Variants in ESAM observed in about 807,000 individuals in gnomAD.
The protein encoded by ESAM is endothelial cell-selective adhesion molecule.
In ESAM, 23 loss-of-function variants were observed where a neutral mutation model predicts 31.8. The observed-to-expected ratio is 0.72, with a 90% confidence interval of 0.52 to 1.03. The LOEUF is 1.03. Among genes scored for constraint, ESAM ranks in the 50% least tolerant of loss-of-function variants. The probability of loss-of-function intolerance (pLI) is 0.00; values close to 1 mark genes in which losing one functional copy is unlikely to be tolerated. For synonymous variants in ESAM, 216 were observed against 207.2 expected (o/e 1.04, Z -0.37); for missense variants, 478 against 488.9 (o/e 0.98, Z 0.21).
At chr11:124,756,459 C>A in intron 3 of ESAM, 82 bp downstream of exon 3, 1 of 1,586,812 alleles carries the variant, frequency 6.3e-7, no homozygotes, top group Admixed American at 1.7e-5. Context: ...GTTCCTCCTC[C>A]AACTTTTGTC....
Position 124,754,209 on chromosome 11 carries a change from C to T in ESAM, c.857+5G>A. The T allele has an allele frequency of 2.5e-6, 4 of 1,613,508 alleles. No individual in the cohort carries two copies. Among genetic ancestry groups the T allele is most frequent in the Non-Finnish European group, 3.4e-6 (4 of 1,179,712 alleles). On this transcript the variant is annotated splice_donor_5th_base_variant and intron_variant, in intron 6 of 6. Coordinates refer to ENST00000278927, the MANE Select transcript of ESAM (RefSeq NM_138961.3). This position sits in a 1 kb window ranked among gnomAD's most constrained non-coding sequence, Gnocchi z 4.5. ...CCCGCTGCAGCAGACACCAGGGACACTTACTTGATATCATTGGCTGGCTCC... is the reference window on the plus strand; with the variant it reads ...CCCGCTGCAGCAGACACCAGGGACATTTACTTGATATCATTGGCTGGCTCC...
intron 3 of ESAM, 65 bp downstream of exon 3, chr11:124,756,476 G>A (rs1944156178): frequency 3.8e-6 from 6 of 1,597,252 alleles, no homozygotes; most frequent in Admixed American, 1.7e-5. Context: ...TGTCATTTAG[G>A]AGAGAGACTC....
In ESAM at chr11:124,753,271, C is replaced by T; in HGVS notation, c.*375G>A. 1 of 235,072 alleles carries T rather than the reference C, an allele frequency of 4.3e-6. No individual in the cohort carries two copies. Among genetic ancestry groups the T allele is most frequent in the Non-Finnish European group, 8.3e-6 (1 of 120,328 alleles). 14.6% of individuals were successfully genotyped at this position (235,072 alleles called of 1,614,324 possible). The stretch of plus-strand genomic sequence containing the variant: ...GCCAGCCTGACAGGTTATATCAATA[C>T]AGGGAGCTGGAGTGGGAGCCAAGGG... On this transcript the variant is annotated 3_prime_UTR_variant, in exon 7 of 7. Transcript: ENST00000278927.
At chr11:124,760,854 A>T (rs1303657317) in intron 1 of ESAM, among the ~76,000 whole-genome samples, 1 of 152,196 alleles carries the variant, frequency 6.6e-6, no homozygotes, top group African/African-American at 2.4e-5. Flanking sequence ...TGGAATGCAG[A>T]AGGAACAGAG....
chr11:124,758,432 A>G lies in ESAM; in HGVS notation c.166T>C (p.Leu56=). Residue 56 remains leucine, a synonymous_variant, in exon 2 of 7, where the codon TTG becomes CTG. Coordinates refer to ENST00000278927, the MANE Select transcript of ESAM (RefSeq NM_138961.3). Reference sequence around the variant, plus strand: ...TGGGATGAAGACACCTCCCCGTGCAAGGTGTACCACGCTGGAAGCACCACT... The same window carrying G: ...TGGGATGAAGACACCTCCCCGTGCAGGGTGTACCACGCTGGAAGCACCACT... ...GEVVLPAWYT[L]HGEVSSSQPW... The G allele has an allele frequency of 6.2e-7, 1 of 1,614,068 alleles. No homozygotes were observed. Among genetic ancestry groups the G allele is most frequent in the Non-Finnish European group, 8.5e-7 (1 of 1,180,008 alleles).
rs12791497 is a variant in ESAM, at chr11:124,753,986, G to A, written c.858-25C>T. On this transcript the variant is annotated intron_variant, in intron 6 of 6. Coordinates refer to ENST00000278927, the MANE Select transcript of ESAM (RefSeq NM_138961.3). ...CCTAGTCATCAAAGAAATAACAAGAGGTCAGAAGTGGGTGGGGGAAGGAGG... is the reference window on the plus strand; with the variant it reads ...CCTAGTCATCAAAGAAATAACAAGAAGTCAGAAGTGGGTGGGGGAAGGAGG... 1.9e-5 allele frequency: 31 copies of A among 1,609,684 alleles called. No homozygotes were observed. The East Asian group carries it at 6.7e-4, about 35-fold the overall frequency.
intron 1 of ESAM, among the ~76,000 whole-genome samples, chr11:124,761,593 G>C (rs942489672): frequency 2.0e-5 from 3 of 152,214 alleles, no homozygotes; most frequent in African/African-American, 7.2e-5. Flanking sequence ...GAGGGGGCAA[G>C]AGAGAGCATC....
chr11:124,759,630 C>CT lies in ESAM; in HGVS notation c.71-1104dup, dbSNP rs1212856156. Among the ~76,000 whole-genome samples, 2 of 152,244 alleles carry CT rather than the reference C, an allele frequency of 1.3e-5. No individual in the cohort carries two copies. The highest frequency in any genetic ancestry group is 2.9e-5 in the Non-Finnish European group (2 of 68,042). ...GCCCTAGGAGAGCCAGGCTGAAGGC[C>CT]TCTAAGGGCTGGGAGCCGATCCGGC... On this transcript the variant is annotated intron_variant, in intron 1 of 6. Coordinates refer to ENST00000278927, the MANE Select transcript of ESAM (RefSeq NM_138961.3). The surrounding 1 kb of genome is among the most constrained non-coding windows in gnomAD (Gnocchi z 6.8).
rs954200691 is a variant in ESAM, at chr11:124,753,578, C to T, written c.*68G>A. 6.4e-7 allele frequency: 1 copy of T among 1,565,556 alleles called. No individual in the cohort carries two copies. The highest frequency in any genetic ancestry group is 2.2e-5 in the East Asian group (1 of 44,604). Reference sequence around the variant, plus strand: ...TGACTCTTTCCCATGACTCAGGCCTCTGTGCTAGAGGTGACCCTTATAGGA... The same window carrying T: ...TGACTCTTTCCCATGACTCAGGCCTTTGTGCTAGAGGTGACCCTTATAGGA... On this transcript the variant is annotated 3_prime_UTR_variant, in exon 7 of 7. Coordinates refer to ENST00000278927, the MANE Select transcript of ESAM (RefSeq NM_138961.3).
At position 124,753,919 on chromosome 11, in the gene ESAM, G is replaced by C; in HGVS notation, c.900C>G (p.Ser300Arg). Reference protein sequence around the residue: ...IAPRTLPWPKSSDTISKNGTL... With the variant: ...IAPRTLPWPKRSDTISKNGTL... ...TCCCATTCTTGGAGATTGTGTCTGA[G>C]CTCTTGGGCCAGGGCAGGGTCCGGG... Residue 300 changes from serine (S) to arginine (R), a missense_variant, in exon 7 of 7, where the codon AGC (serine) becomes AGG (arginine). Coordinates refer to ENST00000278927, the MANE Select transcript of ESAM (RefSeq NM_138961.3). 1 of 1,614,032 alleles carries C rather than the reference G, an allele frequency of 6.2e-7. No individual in the cohort carries two copies. Among genetic ancestry groups the C allele is most frequent in the South Asian group, 1.1e-5 (1 of 91,060 alleles).
In ESAM at chr11:124,762,254, G is replaced by C. The variant is rs550918416; in HGVS notation, c.-100C>G. 6 of 961,884 alleles carry C rather than the reference G, an allele frequency of 6.2e-6. No homozygotes were observed. Among genetic ancestry groups the C allele is most frequent in the Non-Finnish European group, 8.9e-6 (6 of 672,206 alleles). The allele number at this position is 961,884 out of a possible 1,614,324, so 59.6% of individuals were successfully genotyped here. On this transcript the variant is annotated 5_prime_UTR_variant, in exon 1 of 7. Coordinates refer to ENST00000278927, the MANE Select transcript of ESAM (RefSeq NM_138961.3). The surrounding 1 kb of genome is among the most constrained non-coding windows in gnomAD (Gnocchi z 6.4). ...GACGGCCGGAGCGTGCGCGGGAGCC[G>C]AGCCGCTGACACCCAGGGCGGCTCC...
Position 124,753,700 on chromosome 11 carries a change from C to T in ESAM, c.1119G>A (p.Met373Ile). Reference protein sequence around the residue: ...GGVSSSGLSRMGAVPVMVPAQ... With the variant: ...GGVSSSGLSRIGAVPVMVPAQ... ...CAGGCACCATCACAGGCACAGCACC[C>T]ATGCGGCTCAAGCCAGAGGAAGAAA... Residue 373 changes from methionine to isoleucine, a missense_variant, in exon 7 of 7, where the codon ATG becomes ATA. By Grantham distance (10) the Met-to-Ile change is conservative (BLOSUM62 1). Transcript: ENST00000278927. 1 of 1,614,068 alleles carries T rather than the reference C, an allele frequency of 6.2e-7. No individual in the cohort carries two copies. Among genetic ancestry groups the T allele is most frequent in the South Asian group, 1.1e-5 (1 of 91,084 alleles).
rs1944130590 is a variant in ESAM at position 124,754,411 on chromosome 11, C to T, written c.731-71G>A. The T allele has an allele frequency of 1.3e-6, 2 of 1,568,426 alleles. No homozygotes were observed. The highest frequency in any genetic ancestry group is 1.7e-6 in the Non-Finnish European group (2 of 1,157,684). On this transcript the variant is annotated intron_variant, in intron 5 of 6. Coordinates refer to ENST00000278927, the MANE Select transcript of ESAM (RefSeq NM_138961.3). The surrounding 1 kb of genome is among the most constrained non-coding windows in gnomAD (Gnocchi z 4.5). ...CTCACCCCTCTCCAATCCCACTCTC[C>T]CCACCCCATCTGCCACCATACACAT...
chr11:124,757,032 T>C (rs1423815376), intron 2 of ESAM: 2 of 430,340 alleles, frequency 4.6e-6, no homozygotes, highest in East Asian at 4.6e-5. Flanking sequence ...ATAGGAGGTA[T>C]GTATATATGC....
Position 124,754,576 on chromosome 11 carries a change from T to G in ESAM, c.730+65A>C. 1 of 1,566,580 alleles carries G rather than the reference T, an allele frequency of 6.4e-7. No individual in the cohort carries two copies. Among genetic ancestry groups the G allele is most frequent in the Non-Finnish European group, 8.7e-7 (1 of 1,154,514 alleles). ...GACAGGCCTCAGCAGACAGGCCTCC[T>G]CCCCACTTGCAACCCCTCCCCCACC... On this transcript the variant is annotated intron_variant, in intron 5 of 6. Coordinates refer to ENST00000278927, the MANE Select transcript of ESAM (RefSeq NM_138961.3). This position sits in a 1 kb window ranked among gnomAD's most constrained non-coding sequence, Gnocchi z 4.5.
chr11:124,758,326 GCTGACA>G lies in ESAM; in HGVS notation c.249+17_249+22del. 1 of 1,613,852 alleles carries G rather than the reference GCTGACA, an allele frequency of 6.2e-7. No homozygotes were observed. The highest frequency in any genetic ancestry group is 8.5e-7 in the Non-Finnish European group (1 of 1,179,918). On this transcript the variant is annotated intron_variant, in intron 2 of 6. Transcript: ENST00000278927. ...CCCCTCTGGGCGCAACTTGCCGCTG[GCTGACA>G]GGCGTTCTTCCCTCACCTGATCCTC...
At chr11:124,756,938 C>T (rs1944162586) in intron 2 of ESAM, 196 bp from the exon 3 acceptor site, 1 of 600,106 alleles carries the variant, frequency 1.7e-6, no homozygotes, top group South Asian at 2.0e-5. Flanking sequence ...TTCACCAGAA[C>T]AGTTCTTCGT....
chr11:124,759,099 T>G lies in ESAM; in HGVS notation c.71-572A>C, dbSNP rs2134461973. On this transcript the variant is annotated intron_variant, in intron 1 of 6. Transcript: ENST00000278927. This position sits in a 1 kb window ranked among gnomAD's most constrained non-coding sequence, Gnocchi z 6.8. ...AGCCCAGCGCCCAAGCCTGACCCAG[T>G]GAATGCGATGCTCCCCGCCCTCCCG... 6.6e-6 allele frequency: 1 copy of G among 152,336 alleles called. No homozygotes were observed. Among genetic ancestry groups the G allele is most frequent in the Admixed American group, 6.5e-5 (1 of 15,290 alleles). The allele number at this position is 152,336 out of a possible 1,614,324, so 9.4% of individuals were successfully genotyped here.
rs1944203527 is a variant in ESAM, at chr11:124,759,646, C to T, written c.71-1119G>A. ...GCTGAAGGCCTCTAAGGGCTGGGAGCCGATCCGGCCAGGATGCAAGCCTCC... is the reference window on the plus strand; with the variant it reads ...GCTGAAGGCCTCTAAGGGCTGGGAGTCGATCCGGCCAGGATGCAAGCCTCC... On this transcript the variant is annotated intron_variant, in intron 1 of 6. Transcript: ENST00000278927. This position sits in a 1 kb window ranked among gnomAD's most constrained non-coding sequence, Gnocchi z 6.8. 6.6e-6 allele frequency among the ~76,000 whole-genome samples: 1 copy of T among 152,258 alleles called. No individual in the cohort carries two copies. The highest frequency in any genetic ancestry group is 1.5e-5 in the Non-Finnish European group (1 of 68,040).
Sources: allele counts gnomAD v4.1 joint callset (sites outside exome capture counted in the v4.1 genomes callset), GRCh38; gene constraint gnomAD v4.1.1; non-coding constraint Gnocchi (gnomAD v3.1); transcripts MANE v1.5; gene names NCBI Gene and HGNC (gene_info 2026-07-23, HGNC 2026-07-21).